Variants in RANBP2 observed in about 807,000 individuals in gnomAD.
RANBP2 encodes the protein E3 SUMO-protein ligase RanBP2.
A neutral mutation model predicts 303.6 loss-of-function variants in RANBP2; 57 were observed. The observed-to-expected ratio is 0.19, with a 90% CI of 0.15 to 0.23. The LOEUF (loss-of-function observed/expected upper bound fraction) is 0.23, where lower values mean the gene tolerates loss of function less well. RANBP2 is among the 10% of genes least tolerant of loss of function. RANBP2 has a pLI of 1.00. For synonymous variants in RANBP2, 1,167 were observed against 1,301.5 expected, an observed-to-expected ratio of 0.90 and a Z score of 2.23; for missense variants, 3,138 against 3,780.8, an observed-to-expected ratio of 0.83 and a Z score of 4.46.
chr2:108,960,349 G>T, the RANBP2 span, among the ~76,000 whole-genome samples: 1 of 152,246 alleles, frequency 6.6e-6, no homozygotes, highest in African/African-American at 2.4e-5. Context: ...AATGTTTAGT[G>T]GAGGGTGGTC....
chr2:108,849,193 T>C, the RANBP2 span, among the ~76,000 whole-genome samples: 1 of 152,046 alleles, frequency 6.6e-6, no homozygotes, highest in African/African-American at 2.4e-5. Flanking sequence ...AAAAAAAATC[T>C]ACAAAAAAGA....
the RANBP2 span, among the ~76,000 whole-genome samples, chr2:108,869,418 C>T: frequency 1.3e-5 from 2 of 152,144 alleles, no homozygotes; most frequent in Admixed American, 6.5e-5. Flanking sequence ...TCTTGCCTAT[C>T]AATGGGTTGC....
At chr2:109,116,269 A>G in the RANBP2 span, among the ~76,000 whole-genome samples, 1 of 152,220 alleles carries the variant, frequency 6.6e-6, no homozygotes, top group Non-Finnish European at 1.5e-5. Flanking sequence ...CAGGTACACC[A>G]GTTAGACGTA....
chr2:109,559,829 C>T, the RANBP2 span, among the ~76,000 whole-genome samples: 1 of 151,460 alleles, frequency 6.6e-6, no homozygotes, highest in African/African-American at 2.4e-5. Flanking sequence ...ACTCCCAGAG[C>T]TGGAACAAAA....
chr2:109,217,747 A>G, the RANBP2 span, among the ~76,000 whole-genome samples: 1 of 152,044 alleles, frequency 6.6e-6, no homozygotes, highest in Non-Finnish European at 1.5e-5. Flanking sequence ...AACTATGGCC[A>G]CTCAACTAAT....
At chr2:109,748,908 A>G in the RANBP2 span, among the ~76,000 whole-genome samples, 3,708 of 36,676 alleles carry the variant, frequency 0.1, 493 homozygotes, top group Middle Eastern at 0.15. Context: ...ATAAATAAAT[A>G]AAGACTAGCT....
the RANBP2 span, among the ~76,000 whole-genome samples, chr2:109,223,682 C>T: frequency 5.3e-5 from 8 of 152,294 alleles, no homozygotes; most frequent in East Asian, 1.5e-3. Flanking sequence ...AATTCTGCCC[C>T]CCACGTGATG....
chr2:109,499,247 C>T, the RANBP2 span, among the ~76,000 whole-genome samples: 2 of 152,094 alleles, frequency 1.3e-5, no homozygotes, highest in South Asian at 2.1e-4. Context: ...GAGATGGGTA[C>T]CCGGGCAGTC....
chr2:109,438,889 T>C, the RANBP2 span, among the ~76,000 whole-genome samples: 4 of 152,128 alleles, frequency 2.6e-5, no homozygotes, highest in African/African-American at 9.7e-5. Flanking sequence ...CCCTTCTGGT[T>C]ATAAACATCT....
At chr2:108,946,706 A>C in the RANBP2 span, among the ~76,000 whole-genome samples, 1 of 152,160 alleles carries the variant, frequency 6.6e-6, no homozygotes, top group African/African-American at 2.4e-5. Flanking sequence ...TGCCAGATAC[A>C]TATCAAACAA....
the RANBP2 span, among the ~76,000 whole-genome samples, chr2:108,847,157 C>T: frequency 6.6e-6 from 1 of 152,276 alleles, no homozygotes; most frequent in East Asian, 1.9e-4. Context: ...TGTCTTAGGT[C>T]ATATTCCCAT....
the RANBP2 span, chr2:108,882,551 G>C: frequency 6.6e-6 from 1 of 152,168 alleles, no homozygotes; most frequent in African/African-American, 2.4e-5. Context: ...TCATTCTCTT[G>C]TTTGCCTGTT....
At chr2:109,589,106 T>TTTG in the RANBP2 span, among the ~76,000 whole-genome samples, 4 of 150,696 alleles carry the variant, frequency 2.7e-5, no homozygotes, top group Non-Finnish European at 4.4e-5. Context: ...TTTGTGGTTT[T>TTTG]TTTGTTTGTT....
In RANBP2 at chr2:108,764,221, G is replaced by T. The variant is rs571671852; in HGVS notation, c.3682G>T (p.Gly1228Cys). The change falls in exon 20 of 29, where the codon GGT (glycine) becomes TGT (cysteine). Residue 1228 changes from glycine (G) to cysteine (C), a missense_variant. By Grantham distance (159) the Gly-to-Cys change is radical. Transcript: ENST00000283195. Reference protein sequence around the residue: ...NVKILRHKTSGKIRLLMRREQ... With the variant: ...NVKILRHKTSCKIRLLMRREQ... Reference sequence around the variant, plus strand: ...AAAAATACTGAGGCATAAAACATCTGGTAAAATTCGCCTTCTAATGAGACG... The same window carrying T: ...AAAAATACTGAGGCATAAAACATCTTGTAAAATTCGCCTTCTAATGAGACG... The T allele has an allele frequency of 6.2e-7, 1 of 1,613,980 alleles. No homozygotes were observed. The highest frequency in any genetic ancestry group is 8.5e-7 in the Non-Finnish European group (1 of 1,179,966).
At chr2:109,317,432 A>G in the RANBP2 span, among the ~76,000 whole-genome samples, 16 of 151,244 alleles carry the variant, frequency 1.1e-4, no homozygotes, top group East Asian at 2.4e-3. Flanking sequence ...GACACTGTCT[A>G]CTCCATGCTG....
At chr2:108,853,903 T>C in the RANBP2 span, among the ~76,000 whole-genome samples, 1 of 123,164 alleles carries the variant, frequency 8.1e-6, no homozygotes, top group Non-Finnish European at 1.6e-5. Context: ...ATATATATTA[T>C]ATATTATATA....
At chr2:109,094,244 C>G in the RANBP2 span, among the ~76,000 whole-genome samples, 1 of 152,230 alleles carries the variant, frequency 6.6e-6, no homozygotes, top group Admixed American at 6.5e-5. Flanking sequence ...ATTGGCTTTG[C>G]GTTGCCTTGA....
chr2:109,423,647 T>A, the RANBP2 span, among the ~76,000 whole-genome samples: 1 of 152,146 alleles, frequency 6.6e-6, no homozygotes, highest in Non-Finnish European at 1.5e-5. Context: ...ATCAGCGAAA[T>A]CACCGGGTAC....
the RANBP2 span, among the ~76,000 whole-genome samples, chr2:109,173,452 T>C: frequency 1.3e-5 from 2 of 152,164 alleles, no homozygotes; most frequent in Admixed American, 6.5e-5. Flanking sequence ...CTTCATTGCC[T>C]CTCCAGTTGA....
Sources: gnomAD v4.1 joint callset for allele counts (sites outside exome capture counted in the v4.1 genomes callset) on GRCh38, gnomAD v4.1.1 for gene constraint, MANE v1.5 for transcripts, NCBI Gene and HGNC (gene_info 2026-07-23, HGNC 2026-07-21) for gene names.